Variants in SGSM1 observed in about 807,000 individuals in gnomAD.
SGSM1 encodes the protein small G protein signaling modulator 1.
Under a neutral mutation model 133.8 loss-of-function variants are expected in SGSM1, and 73 were observed. The ratio of observed to expected loss-of-function variants is 0.55; its 90% CI spans 0.45 to 0.66. SGSM1 has a LOEUF of 0.66. Ranked by LOEUF, SGSM1 falls within the 30% of genes least tolerant of loss-of-function variation. SGSM1 has a pLI of 0.00. For synonymous variants in SGSM1, 563 were observed against 573.0 expected (o/e 0.98, Z 0.25); for missense variants, 1,213 against 1,448.1 (o/e 0.84, Z 2.64).
chr22:24,844,728 T>A, intron 2 of SGSM1, 169 bp from the exon 3 acceptor site: 1 of 590,570 alleles, frequency 1.7e-6, no homozygotes, highest in South Asian at 2.1e-5. Flanking sequence ...GTGACAGGCC[T>A]CAGACCTCCA....
chr22:24,892,606 G>A (rs980047359), intron 16 of SGSM1, among the ~76,000 whole-genome samples: 1 of 152,116 alleles, frequency 6.6e-6, no homozygotes, highest in Admixed American at 6.5e-5. Context: ...GGATAGGTGG[G>A]GGAAGGTCAG....
chr22:24,892,038 A>T (rs1263512423), intron 16 of SGSM1, among the ~76,000 whole-genome samples: 1 of 152,104 alleles, frequency 6.6e-6, no homozygotes, highest in African/African-American at 2.4e-5. Context: ...AAGGATCACG[A>T]CTGCTAAGTG....
At chr22:24,891,344 A>C (rs1467220677) in intron 16 of SGSM1, among the ~76,000 whole-genome samples, 1 of 152,222 alleles carries the variant, frequency 6.6e-6, no homozygotes, top group Non-Finnish European at 1.5e-5. Flanking sequence ...TGGGTGACAA[A>C]GTAAGACCCT....
At chr22:24,818,429 G>T (rs1432904802) in intron 2 of SGSM1, among the ~76,000 whole-genome samples, 1 of 150,880 alleles carries the variant, frequency 6.6e-6, no homozygotes, top group African/African-American at 2.4e-5. Flanking sequence ...GTGCAGTGGT[G>T]CGATCTCGGC....
intron 20 of SGSM1, among the ~76,000 whole-genome samples, chr22:24,903,484 A>T (rs1933240650): frequency 1.3e-5 from 2 of 152,194 alleles, no homozygotes; most frequent in African/African-American, 4.8e-5. Context: ...CTAGGATTAC[A>T]GTCATGAGCC....
At chr22:24,866,840 C>T (rs537096566) in intron 9 of SGSM1, among the ~76,000 whole-genome samples, 1 of 152,142 alleles carries the variant, frequency 6.6e-6, no homozygotes, top group South Asian at 2.1e-4. Context: ...TCCTGGAGTC[C>T]GAGGGTGGAG....
chr22:24,825,492 T>G (rs1928744913), intron 2 of SGSM1, among the ~76,000 whole-genome samples: 1 of 152,160 alleles, frequency 6.6e-6, no homozygotes, highest in Non-Finnish European at 1.5e-5. Flanking sequence ...TGCAGTGGCA[T>G]GATCTCGGCT....
At chr22:24,862,251 C>T (rs1355163543) in intron 9 of SGSM1, among the ~76,000 whole-genome samples, 1 of 152,016 alleles carries the variant, frequency 6.6e-6, no homozygotes, top group Non-Finnish European at 1.5e-5. Flanking sequence ...CACCCGGCCA[C>T]CCAGAGTCTA....
At chr22:24,917,598 C>A in intron 22 of SGSM1, 60 bp from the exon 23 acceptor site, 2 of 1,246,034 alleles carry the variant, frequency 1.6e-6, no homozygotes, top group Non-Finnish European at 2.3e-6. Context: ...ATTTATTCAG[C>A]TGTCTCCTCT....
chr22:24,890,047 G>C (rs574056521), intron 16 of SGSM1, among the ~76,000 whole-genome samples: 12 of 149,518 alleles, frequency 8.0e-5, no homozygotes, highest in East Asian at 7.9e-4. Context: ...AGCTCTGCCT[G>C]CTGGGTTCAC....
chr22:24,841,906 G>T (rs577863458), intron 2 of SGSM1, among the ~76,000 whole-genome samples: 1 of 152,308 alleles, frequency 6.6e-6, no homozygotes, highest in African/African-American at 2.4e-5. Context: ...TGTGATAAGT[G>T]TCTCATCCAG....
At chr22:24,809,080 C>G (rs1339181813) in intron 2 of SGSM1, among the ~76,000 whole-genome samples, 2 of 152,172 alleles carry the variant, frequency 1.3e-5, no homozygotes. Context: ...TTCCGTTCTT[C>G]TGTCTTTTGA....
At chr22:24,920,896 A>G (rs1933982449) in intron 24 of SGSM1, among the ~76,000 whole-genome samples, 1 of 152,138 alleles carries the variant, frequency 6.6e-6, no homozygotes, top group Non-Finnish European at 1.5e-5. Context: ...ATTTGCCAAA[A>G]CTAAGAAATT....
chr22:24,863,893 C>T (rs1931301717), intron 9 of SGSM1, among the ~76,000 whole-genome samples: 2 of 149,682 alleles, frequency 1.3e-5, no homozygotes, highest in Admixed American at 6.6e-5. Flanking sequence ...AGGCATGTGC[C>T]ACCACGCCTG....
At position 24,926,403 on chromosome 22, in the gene SGSM1, C is replaced by T. The variant is rs1934206383; in HGVS notation, c.*2129C>T. ...TGGCTGCCATTAGACTTACGTCTCC[C>T]TCCCCTACGTCCCCTAGCTTCCCAA... On this transcript the variant is annotated 3_prime_UTR_variant, in exon 25 of 25. Coordinates refer to ENST00000400358, the MANE Select transcript of SGSM1 (RefSeq NM_001098497.3). 6.6e-6 allele frequency: 1 copy of T among 152,214 alleles called. No homozygotes were observed. Among genetic ancestry groups the T allele is most frequent in the South Asian group, 2.1e-4 (1 of 4,836 alleles). 9.4% of individuals were successfully genotyped at this position (152,214 alleles called of 1,614,324 possible).
rs1268815477 is a variant in SGSM1, at chr22:24,858,654, A to AAAAAAG, written c.802-1060_802-1059insAAAGAA. On this transcript the variant is annotated intron_variant, in intron 8 of 24. Coordinates refer to ENST00000400358, the MANE Select transcript of SGSM1 (RefSeq NM_001098497.3). ...CCATCTCAAAAAAAAAAAAAAAAAAAAAGAAGAAAGACAATCTGGACTTGT... is the reference window on the plus strand; with the variant it reads ...CCATCTCAAAAAAAAAAAAAAAAAAAAAAAAGAAGAAGAAAGACAATCTGGACTTGT... Among the ~76,000 whole-genome samples the AAAAAAG allele has an allele frequency of 4.9e-3, 705 of 142,540 alleles. 8 individuals are homozygous for AAAAAAG. The highest frequency in any genetic ancestry group is 0.016 in the African/African-American group (600 of 37,616). 93.5% of individuals were successfully genotyped at this position (142,540 alleles called of 152,430 possible). A position where few individuals can be genotyped will look rare whatever the true frequency, so the allele number is the denominator to read the frequency against.
intron 5 of SGSM1, among the ~76,000 whole-genome samples, chr22:24,853,071 A>G (rs1025451421): frequency 4.6e-5 from 7 of 152,192 alleles, no homozygotes; most frequent in Non-Finnish European, 7.4e-5. Flanking sequence ...TAATCCTTCC[A>G]ACAATCCAGG....
chr22:24,868,237 C>T (rs1931565142), intron 10 of SGSM1, 139 bp from the exon 11 acceptor site: 1 of 1,203,452 alleles, frequency 8.3e-7, no homozygotes, highest in Non-Finnish European at 1.1e-6. Flanking sequence ...CTGACCTTTG[C>T]CCAGGACTTT....
chr22:24,896,581 C>T (rs1017222319), intron 18 of SGSM1, among the ~76,000 whole-genome samples: 1 of 151,266 alleles, frequency 6.6e-6, no homozygotes, highest in Non-Finnish European at 1.5e-5. Flanking sequence ...AATAGTCAAC[C>T]ACCTGGGTGT....
Sources: allele counts gnomAD v4.1 joint callset (sites outside exome capture counted in the v4.1 genomes callset), GRCh38; gene constraint gnomAD v4.1.1; transcripts MANE v1.5; gene names NCBI Gene and HGNC (gene_info 2026-07-23, HGNC 2026-07-21).